The following CORO2A variants were observed in gnomAD, a reference collection of about 807,000 sequenced individuals.
The protein encoded by CORO2A is coronin-2A.
CORO2A carries 47 observed loss-of-function variants against 62.4 expected under a neutral mutation model. The observed-to-expected ratio is 0.75, with a 90% CI of 0.60 to 0.96. The LOEUF (loss-of-function observed/expected upper bound fraction) is 0.96. CORO2A is among the 40% of genes least tolerant of loss of function. CORO2A has a pLI of 0.00. For missense variants in CORO2A, 610 were observed against 684.1 expected (o/e 0.89, Z 1.21); for synonymous variants, 273 against 268.9 (o/e 1.02, Z -0.15).
chr9:98,142,564 G>C (rs1455955171), intron 2 of CORO2A, among the ~76,000 whole-genome samples: 1 of 152,192 alleles, frequency 6.6e-6, no homozygotes, highest in African/African-American at 2.4e-5. Flanking sequence ...CCCAATTTCC[G>C]CAGTGCGGTT....
chr9:98,153,177 G>A (rs1306461091), intron 2 of CORO2A, among the ~76,000 whole-genome samples: 1 of 144,996 alleles, frequency 6.9e-6, no homozygotes, highest in Non-Finnish European at 1.5e-5. Flanking sequence ...TCAGCTCATT[G>A]CAACCCCTGC....
chr9:98,132,731 G>A (rs1186209067), intron 5 of CORO2A, among the ~76,000 whole-genome samples: 3 of 152,140 alleles, frequency 2.0e-5, no homozygotes, highest in Non-Finnish European at 2.9e-5. Flanking sequence ...TGGTATCGTC[G>A]GCTCTCCTGA....
At chr9:98,130,441 T>G (rs1827388416) in intron 7 of CORO2A, among the ~76,000 whole-genome samples, 1 of 152,132 alleles carries the variant, frequency 6.6e-6, no homozygotes, top group South Asian at 2.1e-4. Flanking sequence ...AGCCCACCCT[T>G]TTTCCTCTAA....
chr9:98,171,949 G>A (rs1240542570), intron 1 of CORO2A, among the ~76,000 whole-genome samples: 2 of 152,110 alleles, frequency 1.3e-5, no homozygotes, highest in African/African-American at 2.4e-5. Context: ...TCAGGACATT[G>A]AGCCTGGGAA....
chr9:98,188,762 T>C (rs1343900200), intron 1 of CORO2A, among the ~76,000 whole-genome samples: 5 of 152,026 alleles, frequency 3.3e-5, no homozygotes, highest in African/African-American at 1.2e-4. Flanking sequence ...AGAGCGAGAC[T>C]CTGTCTCAGA....
intron 3 of CORO2A, among the ~76,000 whole-genome samples, chr9:98,136,580 G>C (rs1827489344): frequency 6.6e-6 from 1 of 152,252 alleles, no homozygotes; most frequent in Non-Finnish European, 1.5e-5. Flanking sequence ...TCTCTTTAAA[G>C]ATGTGTCACA....
At chr9:98,140,944 T>C (rs1376955564) in intron 2 of CORO2A, among the ~76,000 whole-genome samples, 1 of 152,202 alleles carries the variant, frequency 6.6e-6, no homozygotes, top group East Asian at 1.9e-4. Flanking sequence ...ATTACAGTAT[T>C]ATCACAACAT....
chr9:98,191,108 A>G (rs1172872387), intron 1 of CORO2A, among the ~76,000 whole-genome samples: 1 of 152,200 alleles, frequency 6.6e-6, no homozygotes, highest in Non-Finnish European at 1.5e-5. Flanking sequence ...CATGAAGGGG[A>G]CAAGAAAGAC....
intron 1 of CORO2A, among the ~76,000 whole-genome samples, chr9:98,188,923 T>C (rs1250586500): frequency 2.0e-5 from 3 of 152,186 alleles, no homozygotes; most frequent in Admixed American, 2.0e-4. Context: ...AGGCAGGCGG[T>C]AAACCCTCAA....
intron 1 of CORO2A, among the ~76,000 whole-genome samples, chr9:98,165,445 A>T (rs1053204586): frequency 5.9e-5 from 9 of 152,194 alleles, no homozygotes; most frequent in African/African-American, 2.2e-4. Flanking sequence ...TCAATCTCCA[A>T]TCTTCATCTG....
intron 6 of CORO2A, 86 bp downstream of exon 6, chr9:98,132,099 T>C (rs112276721): frequency 1.0e-6 from 1 of 988,492 alleles, no homozygotes; most frequent in Admixed American, 1.7e-5. Context: ...GTGTCATAAA[T>C]GGGTGTCTAA....
rs941681898 is a variant in CORO2A, at chr9:98,121,523, T to C, written c.*3251A>G. On this transcript the variant is annotated 3_prime_UTR_variant, in exon 12 of 12. Coordinates refer to ENST00000375077, the MANE Select transcript of CORO2A (RefSeq NM_052820.4). ...TAATTTATTCTAGATGTAAAAATAA[T>C]AATACAAAAAAGTTTGTTCAAAGAC... The C allele has an allele frequency of 2.6e-5, 4 of 152,206 alleles. No homozygotes were observed. Among genetic ancestry groups the C allele is most frequent in the African/African-American group, 9.6e-5 (4 of 41,452 alleles). The allele number at this position is 152,206 out of a possible 1,614,324, so 9.4% of individuals were successfully genotyped here.
At chr9:98,164,556 GAAA>G (rs1233655317) in intron 1 of CORO2A, among the ~76,000 whole-genome samples, 1 of 152,066 alleles carries the variant, frequency 6.6e-6, no homozygotes, top group Non-Finnish European at 1.5e-5. Context: ...CAGGCAGGAA[GAAA>G]AAAATACAAG....
intron 1 of CORO2A, among the ~76,000 whole-genome samples, chr9:98,182,403 C>G (rs1210054095): frequency 6.6e-6 from 1 of 152,168 alleles, no homozygotes; most frequent in Non-Finnish European, 1.5e-5. Flanking sequence ...AGGCTAGTGA[C>G]CCTGCCAGCA....
At chr9:98,162,893 C>T (rs1333547198) in intron 1 of CORO2A, among the ~76,000 whole-genome samples, 1 of 152,260 alleles carries the variant, frequency 6.6e-6, no homozygotes, top group East Asian at 1.9e-4. Context: ...GCGGGCCCTT[C>T]GCCTACAGGC....
chr9:98,184,584 C>T (rs942846754), intron 1 of CORO2A, among the ~76,000 whole-genome samples: 1 of 152,166 alleles, frequency 6.6e-6, no homozygotes, highest in African/African-American at 2.4e-5. Flanking sequence ...TCCTCTATCC[C>T]TATCCCTGGC....
chr9:98,156,556 A>G (rs1349908318), intron 2 of CORO2A, among the ~76,000 whole-genome samples: 1 of 152,236 alleles, frequency 6.6e-6, no homozygotes, highest in African/African-American at 2.4e-5. Flanking sequence ...TTAAGTTTCC[A>G]AATGAATGGG....
Position 98,157,453 on chromosome 9 carries a change from T to C in CORO2A, c.201+7A>G. On this transcript the variant is annotated splice_region_variant and intron_variant, in intron 2 of 11. Coordinates refer to ENST00000375077, the MANE Select transcript of CORO2A (RefSeq NM_052820.4). ...AGAGAGCTGTTTGGGCCTGGGGGTG[T>C]CCTTACCTGGTGCAGGGGGATGACG... The C allele has an allele frequency of 1.2e-6, 2 of 1,614,078 alleles. No homozygotes were observed. Among genetic ancestry groups the C allele is most frequent in the Non-Finnish European group, 8.5e-7 (1 of 1,179,960 alleles).
rs754054398 is a variant in CORO2A at position 98,132,165 on chromosome 9, G to A, written c.765+20C>T. The stretch of plus-strand genomic sequence containing the variant: ...CTCTCAGCTGAGGGGTGATGGTGAG[G>A]GGTGGGGTGCAGCCCTCACCTGGTC... On this transcript the variant is annotated intron_variant, in intron 6 of 11. Transcript: ENST00000375077. 1.9e-6 allele frequency: 3 copies of A among 1,558,430 alleles called. No homozygotes were observed. The highest frequency in any genetic ancestry group is 1.7e-5 in the Admixed American group (1 of 59,936).
Sources: gnomAD v4.1 joint callset for allele counts (sites outside exome capture counted in the v4.1 genomes callset) on GRCh38, gnomAD v4.1.1 for gene constraint, MANE v1.5 for transcripts, NCBI Gene and HGNC (gene_info 2026-07-23, HGNC 2026-07-21) for gene names.